The following EPB41 variants were observed in gnomAD, a reference collection of about 807,000 sequenced individuals.
EPB41 encodes erythrocyte membrane protein band 4.1.
Under a neutral mutation model 108.0 loss-of-function variants are expected in EPB41, and 65 were observed. That is an observed-to-expected ratio of 0.60 (90% CI 0.49 to 0.74). EPB41 has a LOEUF of 0.74. Ranked by LOEUF, EPB41 falls within the 30% of genes least tolerant of loss-of-function variation. The pLI is 0.00. For missense variants in EPB41, 875 were observed against 1,037.0 expected, an observed-to-expected ratio of 0.84 and a Z score of 2.15; for synonymous variants, 336 against 358.9, an observed-to-expected ratio of 0.94 and a Z score of 0.72.
At chr1:28,955,635 C>T (rs4654382) in intron 1 of EPB41, among the ~76,000 whole-genome samples, 47,340 of 151,956 alleles carry the variant, frequency 0.31, 8,972 homozygotes, top group Non-Finnish European at 0.41. Flanking sequence ...GAGCCCACCA[C>T]GCCCAGCCCT....
intron 11 of EPB41, among the ~76,000 whole-genome samples, chr1:29,048,350 G>A (rs367891309): frequency 1.3e-5 from 2 of 152,008 alleles, no homozygotes; most frequent in South Asian, 2.1e-4. Context: ...GAGTAGCTGG[G>A]ATTACAGGCA....
At chr1:28,982,344 C>T in intron 1 of EPB41, 4 of 666,422 alleles carry the variant, frequency 6.0e-6, no homozygotes, top group East Asian at 3.1e-5. Context: ...CAAACTTGAC[C>T]TTGGCCTCTC....
chr1:28,888,777 G>A (rs568205132), intron 1 of EPB41, among the ~76,000 whole-genome samples: 40 of 152,214 alleles, frequency 2.6e-4, no homozygotes, highest in Middle Eastern at 3.4e-3. Flanking sequence ...ACAGGCGCCC[G>A]CCACCGCGCC....
At chr1:29,044,984 G>T (rs553783320) in intron 11 of EPB41, among the ~76,000 whole-genome samples, 2 of 152,124 alleles carry the variant, frequency 1.3e-5, no homozygotes, top group African/African-American at 4.8e-5. Flanking sequence ...TGATCTTTGT[G>T]TACCCTTGTG....
At chr1:28,896,202 T>G (rs1160262934) in intron 1 of EPB41, among the ~76,000 whole-genome samples, 1 of 152,214 alleles carries the variant, frequency 6.6e-6, no homozygotes. Flanking sequence ...AGGCACATGG[T>G]GAGCATTCAA....
chr1:29,048,555 C>A (rs1397689837), intron 11 of EPB41, among the ~76,000 whole-genome samples: 3 of 152,116 alleles, frequency 2.0e-5, no homozygotes, highest in South Asian at 2.1e-4. Flanking sequence ...AAAAAAAATT[C>A]TTGAACTAGA....
rs928853781 is a variant in EPB41, at chr1:29,093,766, G to A, written c.2185-4041G>A. On this transcript the variant is annotated intron_variant, in intron 16 of 20. Coordinates refer to ENST00000343067, the MANE Select transcript of EPB41 (RefSeq NM_001376013.1). ...CTAAAAACACAAAAATTAGCCGTGC[G>A]TGGTGGCACACACCTGTAGTCTCAG... Among the ~76,000 whole-genome samples, 10 of 152,264 alleles carry A rather than the reference G, an allele frequency of 6.6e-5. No homozygotes were observed. The South Asian group carries it at 1.0e-3, about 16-fold the overall frequency.
intron 1 of EPB41, among the ~76,000 whole-genome samples, chr1:28,916,840 G>A (rs1487104483): frequency 2.0e-5 from 3 of 151,702 alleles, no homozygotes; most frequent in African/African-American, 7.3e-5. Context: ...ACCCAGGCTG[G>A]AGTGCAGTGG....
chr1:29,053,470 A>T (rs1644854846), intron 12 of EPB41, 158 bp downstream of exon 12: 1 of 860,254 alleles, frequency 1.2e-6, no homozygotes, highest in African/African-American at 1.7e-5. Flanking sequence ...TGAACCTATA[A>T]AATATTTTCG....
intron 16 of EPB41, chr1:29,073,110 CAAAA>C (rs34560398): frequency 7.1e-5 from 5 of 70,488 alleles, no homozygotes; most frequent in East Asian, 1.0e-3. Flanking sequence ...GACTCTGTCT[CAAAA>C]AAAAAAAAAA....
At chr1:28,973,168 GT>G (rs1366119245) in intron 1 of EPB41, among the ~76,000 whole-genome samples, 1 of 151,994 alleles carries the variant, frequency 6.6e-6, no homozygotes, top group Non-Finnish European at 1.5e-5. Flanking sequence ...TTTTCTTTCT[GT>G]CTGAAAGAAT....
chr1:28,903,710 T>C (rs1259574760), intron 1 of EPB41, among the ~76,000 whole-genome samples: 1 of 152,132 alleles, frequency 6.6e-6, no homozygotes, highest in Non-Finnish European at 1.5e-5. Flanking sequence ...ATATTGTATA[T>C]AAAACACTTG....
At chr1:28,937,683 G>A (rs190107042) in intron 1 of EPB41, among the ~76,000 whole-genome samples, 97 of 152,254 alleles carry the variant, frequency 6.4e-4, no homozygotes, top group Non-Finnish European at 1.2e-3. Context: ...GTGAGCCACC[G>A]CGCCTGGCCA....
chr1:29,090,884 A>C (rs2151403084), intron 16 of EPB41, among the ~76,000 whole-genome samples: 1 of 152,296 alleles, frequency 6.6e-6, no homozygotes, highest in South Asian at 2.1e-4. Context: ...GTTGTCCTGG[A>C]GATCTGGATA....
At chr1:29,026,889 T>G (rs1307545086) in intron 7 of EPB41, among the ~76,000 whole-genome samples, 1 of 151,690 alleles carries the variant, frequency 6.6e-6, no homozygotes. Flanking sequence ...GTGAGGAGTT[T>G]GAGATCAGCC....
intron 1 of EPB41, among the ~76,000 whole-genome samples, chr1:28,927,630 C>T (rs1022211925): frequency 1.3e-4 from 20 of 152,086 alleles, no homozygotes; most frequent in Non-Finnish European, 2.9e-5. Flanking sequence ...GTTTTTATTG[C>T]TTTGATGAAA....
Position 29,119,349 on chromosome 1 carries a change from GA to G in EPB41, c.*2538del, listed in dbSNP as rs2151796239. 1 of 152,736 alleles carries G rather than the reference GA, an allele frequency of 6.5e-6. No individual in the cohort carries two copies. Among genetic ancestry groups the G allele is most frequent in the South Asian group, 2.1e-4 (1 of 4,826 alleles). The allele number at this position is 152,736 out of a possible 1,614,324, so 9.5% of individuals were successfully genotyped here. On this transcript the variant is annotated 3_prime_UTR_variant, in exon 21 of 21. Coordinates refer to ENST00000343067, the MANE Select transcript of EPB41 (RefSeq NM_001376013.1). ...ACTCTGTCCAGGTAGAAATGGTGAG[GA>G]GGGGGAAGAGAATTACATTTCCAGG...
intron 17 of EPB41, among the ~76,000 whole-genome samples, chr1:29,098,753 T>G (rs1055899753): frequency 6.6e-6 from 1 of 151,874 alleles, no homozygotes; most frequent in African/African-American, 2.4e-5. Context: ...GTTTGTTTGT[T>G]TTTTGAGACG....
intron 1 of EPB41, among the ~76,000 whole-genome samples, chr1:28,904,812 T>A (rs915454223): frequency 1.1e-4 from 16 of 151,988 alleles, no homozygotes; most frequent in African/African-American, 3.9e-4. Flanking sequence ...GGCTGGTGGA[T>A]CACAAGGTCA....
Sources: gnomAD v4.1 joint callset for allele counts (sites outside exome capture counted in the v4.1 genomes callset) on GRCh38, gnomAD v4.1.1 for gene constraint, MANE v1.5 for transcripts, NCBI Gene and HGNC (gene_info 2026-07-23, HGNC 2026-07-21) for gene names.